The following FILIP1L variants were observed in gnomAD, a reference collection of about 807,000 sequenced individuals.
FILIP1L encodes filamin A-interacting protein 1-like.
A neutral mutation model predicts 96.6 loss-of-function variants in FILIP1L; 55 were observed. The observed-to-expected ratio is 0.57, with a 90% CI of 0.46 to 0.71. The LOEUF (loss-of-function observed/expected upper bound fraction) is 0.71, where lower values mean the gene tolerates loss of function less well. Among genes scored for constraint, FILIP1L ranks in the 30% least tolerant of loss-of-function variants. FILIP1L has a pLI of 0.00. For synonymous variants in FILIP1L, 467 were observed against 473.9 expected, an observed-to-expected ratio of 0.99 and a Z score of 0.19; for missense variants, 1,304 against 1,321.2, an observed-to-expected ratio of 0.99 and a Z score of 0.20.
chr3:99,983,462 G>GTATATATATATATA (rs1466852207), intron 1 of FILIP1L, among the ~76,000 whole-genome samples: 1 of 11,998 alleles, frequency 8.3e-5, no homozygotes, highest in Non-Finnish European at 2.0e-4. Context: ...ATATATATGT[G>GTATATATATATATA]TGTATATATA....
chr3:99,891,641 A>G (rs1327402690), intron 4 of FILIP1L, among the ~76,000 whole-genome samples: 7 of 152,290 alleles, frequency 4.6e-5, no homozygotes, highest in South Asian at 2.1e-4. Context: ...ACCATCAGCA[A>G]TGGACATTAG....
At chr3:100,091,321 T>TTTAAGGGGTGTGCATGTA (rs2107434607) in intron 1 of FILIP1L, among the ~76,000 whole-genome samples, 1 of 151,710 alleles carries the variant, frequency 6.6e-6, no homozygotes, top group East Asian at 1.9e-4. Flanking sequence ...AAACCCTGCC[T>TTTAAGGGGTGTGCATGTA]TTAAGGGGTG....
At chr3:99,991,871 T>TAC (rs1273303758) in intron 1 of FILIP1L, among the ~76,000 whole-genome samples, 7 of 149,958 alleles carry the variant, frequency 4.7e-5, no homozygotes, top group African/African-American at 1.7e-4. Flanking sequence ...TGTATATATA[T>TAC]ACACACATAT....
intron 1 of FILIP1L, among the ~76,000 whole-genome samples, chr3:100,043,801 A>G (rs552305378): frequency 1.3e-5 from 2 of 152,326 alleles, no homozygotes; most frequent in South Asian, 4.1e-4. Context: ...AACTTATTTT[A>G]TTGTGACAAG....
At chr3:99,892,257 A>G (rs1706106643) in intron 4 of FILIP1L, among the ~76,000 whole-genome samples, 1 of 152,226 alleles carries the variant, frequency 6.6e-6, no homozygotes, top group Non-Finnish European at 1.5e-5. Context: ...GAACCATGTA[A>G]TGTGAGGGCT....
intron 1 of FILIP1L, among the ~76,000 whole-genome samples, chr3:99,964,892 G>C (rs1708601436): frequency 6.6e-6 from 1 of 152,084 alleles, no homozygotes; most frequent in Non-Finnish European, 1.5e-5. Flanking sequence ...TTGAACATCA[G>C]TCCCATAGTG....
chr3:99,865,970 C>A (rs1944492141), intron 4 of FILIP1L, among the ~76,000 whole-genome samples: 1 of 151,672 alleles, frequency 6.6e-6, no homozygotes, highest in South Asian at 2.1e-4. Context: ...TTTTCTCTTC[C>A]CAGGTCACAG....
intron 1 of FILIP1L, among the ~76,000 whole-genome samples, chr3:100,033,653 G>A (rs150520094): frequency 1.4e-3 from 208 of 152,214 alleles, no homozygotes; most frequent in African/African-American, 4.6e-3. Flanking sequence ...TAAATGGTCA[G>A]TAGGAAATTA....
At chr3:100,094,083 C>G (rs2066160806) in intron 1 of FILIP1L, among the ~76,000 whole-genome samples, 1 of 152,116 alleles carries the variant, frequency 6.6e-6, no homozygotes, top group South Asian at 2.1e-4. Context: ...GCATCCTTGC[C>G]AACATTTGGT....
At chr3:100,020,733 A>C (rs1309262076) in intron 1 of FILIP1L, among the ~76,000 whole-genome samples, 1 of 121,702 alleles carries the variant, frequency 8.2e-6, no homozygotes, top group African/African-American at 3.1e-5. Context: ...ACTAAGAACT[A>C]TTTTTTAGAA....
At chr3:99,858,767 T>C (rs1424876437) in intron 4 of FILIP1L, among the ~76,000 whole-genome samples, 2 of 152,190 alleles carry the variant, frequency 1.3e-5, no homozygotes, top group African/African-American at 2.4e-5. Flanking sequence ...TATGAAGATA[T>C]CTTCTTCACT....
chr3:100,049,630 C>T (rs1002366726), intron 1 of FILIP1L, among the ~76,000 whole-genome samples: 2 of 152,178 alleles, frequency 1.3e-5, no homozygotes, highest in Admixed American at 1.3e-4. Flanking sequence ...TGAACTCTGT[C>T]GACTTCTGCC....
At position 99,886,124 on chromosome 3, in the gene FILIP1L, C is replaced by T. The variant is rs540830592; in HGVS notation, c.606-35054G>A. Among the ~76,000 whole-genome samples the T allele has an allele frequency of 1.4e-4, 22 of 152,294 alleles. No individual in the cohort carries two copies. The South Asian group carries it at 1.9e-3, about 13-fold the overall frequency. On this transcript the variant is annotated intron_variant, in intron 4 of 5. Coordinates refer to ENST00000477258, the MANE Select transcript of FILIP1L (RefSeq NM_001387850.1). ...CTATGTGTGCACACGTGCACATGGA[C>T]GTGAGTGAGAGATGATTTATAGATA... is the stretch of plus-strand genomic sequence containing the variant.
At chr3:100,082,877 T>C (rs1272056890) in intron 1 of FILIP1L, among the ~76,000 whole-genome samples, 7 of 152,226 alleles carry the variant, frequency 4.6e-5, no homozygotes, top group Admixed American at 2.0e-4. Flanking sequence ...TTGGGTTTAT[T>C]TTGTGAGAAT....
intron 1 of FILIP1L, among the ~76,000 whole-genome samples, chr3:99,982,931 C>A (rs1240459329): frequency 6.6e-6 from 1 of 152,054 alleles, no homozygotes; most frequent in Non-Finnish European, 1.5e-5. Flanking sequence ...TCTGTTACAT[C>A]AAAGTAATAC....
intron 1 of FILIP1L, among the ~76,000 whole-genome samples, chr3:99,995,044 A>G (rs1476729738): frequency 6.6e-6 from 1 of 152,188 alleles, no homozygotes; most frequent in Admixed American, 6.5e-5. Flanking sequence ...CCTTCCCAAC[A>G]GCACCCAAAG....
At chr3:100,096,629 G>T (rs992220891) in intron 1 of FILIP1L, among the ~76,000 whole-genome samples, 3 of 151,148 alleles carry the variant, frequency 2.0e-5, no homozygotes, top group Admixed American at 6.6e-5. Flanking sequence ...GTAGTAGGGG[G>T]TGGGGAGGAG....
intron 5 of FILIP1L, among the ~76,000 whole-genome samples, chr3:99,844,256 GC>G (rs544471854): frequency 3.9e-5 from 6 of 152,126 alleles, no homozygotes; most frequent in Admixed American, 2.0e-4. Context: ...TGGGCCCTAC[GC>G]CCCCAGAGGT....
At chr3:99,872,673 G>C (rs560174142) in intron 4 of FILIP1L, among the ~76,000 whole-genome samples, 3 of 152,084 alleles carry the variant, frequency 2.0e-5, no homozygotes, top group East Asian at 3.9e-4. Flanking sequence ...GAAATGTGAG[G>C]ACGGTCAGAC....
Sources: allele counts gnomAD v4.1 joint callset (sites outside exome capture counted in the v4.1 genomes callset), GRCh38; gene constraint gnomAD v4.1.1; transcripts MANE v1.5; gene names NCBI Gene and HGNC (gene_info 2026-07-23, HGNC 2026-07-21).